The following SLIT3 variants were observed in gnomAD, a reference collection of about 807,000 sequenced individuals.
The protein encoded by SLIT3 is slit guidance ligand 3.
In SLIT3, 68 loss-of-function variants were observed where a neutral mutation model predicts 184.0. The ratio of observed to expected loss-of-function variants is 0.37; its 90% CI spans 0.30 to 0.45. SLIT3 has a LOEUF of 0.45. Among genes scored for constraint, SLIT3 ranks in the 20% least tolerant of loss-of-function variants. The probability of loss-of-function intolerance (pLI) is 1.00; values close to 1 mark genes in which losing one functional copy is unlikely to be tolerated. For synonymous variants in SLIT3, 831 were observed against 828.6 expected (o/e 1.00, Z -0.05); for missense variants, 1,707 against 2,026.0 (o/e 0.84, Z 3.02).
chr5:168,780,408 G>T (rs1755928975), intron 12 of SLIT3, among the ~76,000 whole-genome samples: 1 of 152,244 alleles, frequency 6.6e-6, no homozygotes, highest in South Asian at 2.1e-4. Context: ...CTAAAACAGG[G>T]ATGGGGAGTC....
chr5:168,827,667 A>T (rs139402274), intron 6 of SLIT3, among the ~76,000 whole-genome samples: 23 of 152,284 alleles, frequency 1.5e-4, no homozygotes, highest in Non-Finnish European at 2.8e-4. Context: ...GACAACATTC[A>T]TAGGTTTCTG....
intron 6 of SLIT3, among the ~76,000 whole-genome samples, chr5:168,836,710 C>T (rs2113698891): frequency 6.6e-6 from 1 of 152,244 alleles, no homozygotes; most frequent in Non-Finnish European, 1.5e-5. Context: ...TGCCGACTCC[C>T]CCTAAGCGCT....
intron 16 of SLIT3, among the ~76,000 whole-genome samples, chr5:168,755,651 G>C (rs1216056812): frequency 6.6e-6 from 1 of 152,000 alleles, no homozygotes; most frequent in Non-Finnish European, 1.5e-5. Flanking sequence ...GGCCAGGCTG[G>C]TCTCCAACTC....
chr5:168,753,271 G>A (rs1457329423), intron 17 of SLIT3, among the ~76,000 whole-genome samples, 173 bp from the exon 18 acceptor site: 1 of 152,218 alleles, frequency 6.6e-6, no homozygotes, highest in Non-Finnish European at 1.5e-5. Flanking sequence ...GCCCCACTGG[G>A]GCTGTGTGTA....
chr5:168,743,421 T>G (rs917283263), intron 20 of SLIT3, among the ~76,000 whole-genome samples: 1 of 152,236 alleles, frequency 6.6e-6, no homozygotes, highest in Non-Finnish European at 1.5e-5. Flanking sequence ...TGATCTTTGA[T>G]GTCTCTATTG....
chr5:168,961,684 C>T (rs1171353422), intron 4 of SLIT3, among the ~76,000 whole-genome samples: 1 of 151,988 alleles, frequency 6.6e-6, no homozygotes, highest in Non-Finnish European at 1.5e-5. Context: ...GTGCAGAAAG[C>T]AGGATGGGTT....
chr5:169,013,261 C>T (rs1393813341), intron 4 of SLIT3: 1 of 152,382 alleles, frequency 6.6e-6, no homozygotes, highest in Non-Finnish European at 1.5e-5. Context: ...CCTCACCTCC[C>T]ACATGCTTTT....
At chr5:169,079,914 A>T (rs58582590) in intron 4 of SLIT3, among the ~76,000 whole-genome samples, 1,850 of 139,604 alleles carry the variant, frequency 0.013, 132 homozygotes, top group East Asian at 0.093. Flanking sequence ...GAAGAAGAGG[A>T]GGAAGAGGAA....
chr5:168,817,554 C>A, intron 7 of SLIT3, 91 bp from the exon 8 acceptor site: 1 of 1,238,952 alleles, frequency 8.1e-7, no homozygotes, highest in Admixed American at 2.0e-5. Flanking sequence ...ACCCCTGTTG[C>A]CCCTTTCTCC....
intron 10 of SLIT3, 146 bp from the exon 11 acceptor site, chr5:168,789,777 A>AAGG (rs1187631836): frequency 1.6e-6 from 1 of 629,332 alleles, no homozygotes; most frequent in Non-Finnish European, 2.9e-6. Flanking sequence ...AGTGCAAGAG[A>AAGG]AGGAGCTTAA....
chr5:168,716,103 G>A (rs1762720868), intron 23 of SLIT3, among the ~76,000 whole-genome samples: 1 of 152,228 alleles, frequency 6.6e-6, no homozygotes, highest in African/African-American at 2.4e-5. Flanking sequence ...GAGTAGCTGG[G>A]ACTGTAGGTG....
intron 4 of SLIT3, among the ~76,000 whole-genome samples, chr5:169,029,842 G>C (rs557299760): frequency 3.5e-4 from 53 of 152,194 alleles, no homozygotes; most frequent in Non-Finnish European, 4.7e-4. Context: ...GTAATTTAGG[G>C]GCAATTAGCA....
chr5:168,729,285 G>A lies in SLIT3; in HGVS notation c.2271-4801C>T, dbSNP rs563873667. 7.9e-5 allele frequency among the ~76,000 whole-genome samples: 12 copies of A among 152,168 alleles called. No homozygotes were observed. The South Asian group carries it at 2.5e-3, about 32-fold the overall frequency. On this transcript the variant is annotated intron_variant, in intron 20 of 35. Coordinates refer to ENST00000519560, the MANE Select transcript of SLIT3 (RefSeq NM_003062.4). ...AGAGTTAGACATCCATTTACAGGAG[G>A]CCCAGAAATCTTCAGGCAAATACAT...
At chr5:168,885,431 G>A (rs1031080819) in intron 4 of SLIT3, among the ~76,000 whole-genome samples, 1 of 152,164 alleles carries the variant, frequency 6.6e-6, no homozygotes, top group South Asian at 2.1e-4. Context: ...GAGGTCAGGC[G>A]GTGTCACCAA....
chr5:168,915,648 TC>T (rs1419501380), intron 4 of SLIT3, among the ~76,000 whole-genome samples: 1 of 152,138 alleles, frequency 6.6e-6, no homozygotes, highest in Non-Finnish European at 1.5e-5. Context: ...TATTATGCAT[TC>T]TTTTTTTTTT....
At chr5:168,977,825 G>A (rs1754818792) in intron 4 of SLIT3, among the ~76,000 whole-genome samples, 1 of 152,128 alleles carries the variant, frequency 6.6e-6, no homozygotes, top group South Asian at 2.1e-4. Flanking sequence ...AAAAGACATG[G>A]CTGTATCTAA....
intron 3 of SLIT3, among the ~76,000 whole-genome samples, chr5:169,241,754 G>T (rs925253241): frequency 6.6e-6 from 1 of 152,122 alleles, no homozygotes; most frequent in Non-Finnish European, 1.5e-5. Context: ...TTAAAATATG[G>T]TGTCATAAGT....
chr5:168,968,231 C>A (rs1282577830), intron 4 of SLIT3, among the ~76,000 whole-genome samples: 1 of 152,176 alleles, frequency 6.6e-6, no homozygotes, highest in African/African-American at 2.4e-5. Flanking sequence ...GCGCCCCCCT[C>A]TCCTCCCATG....
At chr5:168,711,882 T>G (rs1164953665) in intron 24 of SLIT3, among the ~76,000 whole-genome samples, 4 of 152,320 alleles carry the variant, frequency 2.6e-5, no homozygotes, top group Admixed American at 1.3e-4. Context: ...GTTAAGAATA[T>G]GTGCTTTGGA....
Sources: allele counts gnomAD v4.1 joint callset (sites outside exome capture counted in the v4.1 genomes callset), GRCh38; gene constraint gnomAD v4.1.1; transcripts MANE v1.5; gene names NCBI Gene and HGNC (gene_info 2026-07-23, HGNC 2026-07-21).